LEPROT: variants seen among roughly 807,000 people sequenced by gnomAD.
LEPROT encodes leptin receptor overlapping transcript, also known as leptin receptor gene-related protein.
LEPROT carries 3 observed loss-of-function variants against 15.4 expected under a neutral mutation model. The ratio of observed to expected loss-of-function variants is 0.19; its 90% CI spans 0.09 to 0.50. The LOEUF (loss-of-function observed/expected upper bound fraction) is 0.50. Among genes scored for constraint, LEPROT ranks in the 20% least tolerant of loss-of-function variants. The pLI is 0.97. For missense variants in LEPROT, 137 were observed against 162.2 expected (o/e 0.84, Z 0.84); for synonymous variants, 59 against 57.5 (o/e 1.03, Z -0.12).
intron 2 of LEPROT, chr1:65,427,830 C>G (rs572909355): frequency 2.5e-6 from 1 of 398,570 alleles, no homozygotes; most frequent in Non-Finnish European, 5.0e-6. Flanking sequence ...TTGTAGAGAC[C>G]GAGTCTCTCT....
intron 2 of LEPROT, chr1:65,427,840 T>C: frequency 2.7e-6 from 1 of 365,956 alleles, no homozygotes; most frequent in Non-Finnish European, 5.5e-6. Flanking sequence ...CGAGTCTCTC[T>C]GTGTTGCTCA....
Position 65,420,747 on chromosome 1 carries a change from C to T in LEPROT, c.16+7C>T. 6.3e-7 allele frequency: 1 copy of T among 1,580,442 alleles called. No homozygotes were observed. The highest frequency in any genetic ancestry group is 1.2e-5 in the South Asian group (1 of 86,292). On this transcript the variant is annotated splice_region_variant and intron_variant, in intron 1 of 3. Transcript: ENST00000371065. ...GACATGGCGGGCGTTAAAGGTACAT[C>T]GCGGTCCCCGGCTCGCTTGTCGTGT... is the stretch of plus-strand genomic sequence containing the variant.
chr1:65,435,772 C>T lies in LEPROT; in HGVS notation c.*3853C>T. On this transcript the variant is annotated 3_prime_UTR_variant, in exon 4 of 4. Coordinates refer to ENST00000371065, the MANE Select transcript of LEPROT (RefSeq NM_017526.5). Reference sequence around the variant, plus strand: ...TCCAAGCATAGTAATTAGTTCACAACTGAGAAATATTATGTCTGTAGTAGA... The same window carrying T: ...TCCAAGCATAGTAATTAGTTCACAATTGAGAAATATTATGTCTGTAGTAGA... The T allele has an allele frequency of 1.0e-6, 1 of 980,904 alleles. No homozygotes were observed. Among genetic ancestry groups the T allele is most frequent in the Non-Finnish European group, 1.2e-6 (1 of 825,836 alleles). 60.8% of individuals were successfully genotyped at this position (980,904 alleles called of 1,614,324 possible). A position where few individuals can be genotyped will look rare whatever the true frequency, so the allele number is the denominator to read the frequency against.
rs1332084963 is a variant in LEPROT at position 65,430,201 on chromosome 1, A to G, written c.279+153A>G. On this transcript the variant is annotated intron_variant, in intron 3 of 3. Transcript: ENST00000371065. ...TGTTCCTCTACTTTAGACCTGCCTA[A>G]CAGTAGTTCGGCCATGCCTTCAGAG... 13 of 574,568 alleles carry G rather than the reference A, an allele frequency of 2.3e-5. 1 individual carries two copies. In the Admixed American group the frequency reaches 4.0e-4, roughly 18 times the overall value. 35.6% of individuals were successfully genotyped at this position (574,568 alleles called of 1,614,324 possible).
intron 1 of LEPROT, among the ~76,000 whole-genome samples, chr1:65,422,091 A>G (rs879466078): frequency 1.3e-5 from 2 of 152,194 alleles, no homozygotes; most frequent in Non-Finnish European, 2.9e-5. Flanking sequence ...TTTGTCCTCC[A>G]AAAAGATGTG....
chr1:65,431,969 T>G lies in LEPROT; in HGVS notation c.*50T>G. On this transcript the variant is annotated 3_prime_UTR_variant, in exon 4 of 4. Coordinates refer to ENST00000371065, the MANE Select transcript of LEPROT (RefSeq NM_017526.5). The stretch of plus-strand genomic sequence containing the variant: ...TGAATTTCTTAGAACTCATACTATC[T>G]GTATACATGTGCACATGCGGCATTT... The G allele has an allele frequency of 6.4e-7, 1 of 1,568,250 alleles. No individual in the cohort carries two copies. The highest frequency in any genetic ancestry group is 8.6e-7 in the Non-Finnish European group (1 of 1,160,786).
Position 65,432,078 on chromosome 1 carries a change from A to G in LEPROT, c.*159A>G, listed in dbSNP as rs377137502. 6.0e-6 allele frequency: 8 copies of G among 1,341,300 alleles called. No individual in the cohort carries two copies. The African/African-American group carries it at 1.1e-4, about 18-fold the overall frequency. The allele number at this position is 1,341,300 out of a possible 1,614,324, so 83.1% of individuals were successfully genotyped here. A position where few individuals can be genotyped will look rare whatever the true frequency, so the allele number is the denominator to read the frequency against. ...AGAAAGACTTCATAAGTAGGAGATG[A>G]GTTTTATTCTCAGCAAATAGACCTG... On this transcript the variant is annotated 3_prime_UTR_variant, in exon 4 of 4. Transcript: ENST00000371065.
chr1:65,421,505 C>A (rs1646250547), intron 1 of LEPROT: 2 of 1,534,686 alleles, frequency 1.3e-6, no homozygotes, highest in Non-Finnish European at 1.7e-6. Context: ...AGTAGCATGA[C>A]TTGTTTTTAT....
At chr1:65,422,486 T>C (rs1646270364) in intron 1 of LEPROT, among the ~76,000 whole-genome samples, 1 of 152,256 alleles carries the variant, frequency 6.6e-6, no homozygotes, top group Non-Finnish European at 1.5e-5. Flanking sequence ...TCTGTTGTTC[T>C]CAGCCATCCA....
intron 1 of LEPROT, chr1:65,421,475 AT>A (rs1340303523): frequency 6.5e-7 from 1 of 1,536,108 alleles, no homozygotes; most frequent in Non-Finnish European, 8.7e-7. Flanking sequence ...AAAACATTCC[AT>A]TTCTAATCTG....
At chr1:65,421,128 G>A (rs930933232) in intron 1 of LEPROT, among the ~76,000 whole-genome samples, 2 of 152,182 alleles carry the variant, frequency 1.3e-5, no homozygotes, top group African/African-American at 4.8e-5. Flanking sequence ...TTGCCACAAA[G>A]GACCCTTTGT....
At chr1:65,424,904 G>A (rs1646329073) in intron 1 of LEPROT, among the ~76,000 whole-genome samples, 1 of 152,180 alleles carries the variant, frequency 6.6e-6, no homozygotes, top group Admixed American at 6.5e-5. Context: ...GCATCTCACG[G>A]TGAGAGGGAT....
Position 65,435,876 on chromosome 1 carries a change from CTGAG to C in LEPROT, c.*3959_*3962del, listed in dbSNP as rs1646556203. On this transcript the variant is annotated 3_prime_UTR_variant, in exon 4 of 4. Coordinates refer to ENST00000371065, the MANE Select transcript of LEPROT (RefSeq NM_017526.5). ...GAAGTACCTTATTGCAAAAATCCCA[CTGAG>C]TAATAGCTCATAAATTATAATCTTT... 1 of 983,750 alleles carries C rather than the reference CTGAG, an allele frequency of 1.0e-6. No individual in the cohort carries two copies. Among genetic ancestry groups the C allele is most frequent in the Non-Finnish European group, 1.2e-6 (1 of 828,440 alleles). 60.9% of individuals were successfully genotyped at this position (983,750 alleles called of 1,614,324 possible).
At position 65,433,086 on chromosome 1, in the gene LEPROT, TAGC is replaced by T. The variant is rs1646510619; in HGVS notation, c.*1170_*1172del. ...GCTGGGCTCGAGCCAGCCCCTGCGT[TAGC>T]AGGAGGGGGAGAACAGATAGGTAAC... is the stretch of plus-strand genomic sequence containing the variant. On this transcript the variant is annotated 3_prime_UTR_variant, in exon 4 of 4. Transcript: ENST00000371065. 1 of 985,356 alleles carries T rather than the reference TAGC, an allele frequency of 1.0e-6. No individual in the cohort carries two copies. The highest frequency in any genetic ancestry group is 1.2e-6 in the Non-Finnish European group (1 of 829,878). The allele number at this position is 985,356 out of a possible 1,614,324, so 61.0% of individuals were successfully genotyped here.
intron 1 of LEPROT, 91 bp downstream of exon 1, chr1:65,420,831 G>T: frequency 1.4e-6 from 2 of 1,469,892 alleles, no homozygotes; most frequent in Middle Eastern, 3.5e-4. Flanking sequence ...GCGCGCCGTT[G>T]GGGAACGGCC....
chr1:65,435,877 T>C lies in LEPROT; in HGVS notation c.*3958T>C, dbSNP rs991976512. The C allele has an allele frequency of 5.1e-6, 5 of 983,958 alleles. No homozygotes were observed. The highest frequency in any genetic ancestry group is 6.0e-6 in the Non-Finnish European group (5 of 828,706). 61.0% of individuals were successfully genotyped at this position (983,958 alleles called of 1,614,324 possible). On this transcript the variant is annotated 3_prime_UTR_variant, in exon 4 of 4. Coordinates refer to ENST00000371065, the MANE Select transcript of LEPROT (RefSeq NM_017526.5). ...AAGTACCTTATTGCAAAAATCCCAC[T>C]GAGTAATAGCTCATAAATTATAATC...
At chr1:65,430,241 C>A in intron 3 of LEPROT, 193 bp downstream of exon 3, 1 of 422,052 alleles carries the variant, frequency 2.4e-6, no homozygotes, top group Non-Finnish European at 4.2e-6. Context: ...TTCTTTATTT[C>A]TCTTACAACT....
At chr1:65,426,010 A>G (rs1008591932) in intron 2 of LEPROT, among the ~76,000 whole-genome samples, 1 of 152,338 alleles carries the variant, frequency 6.6e-6, no homozygotes, top group East Asian at 1.9e-4. Context: ...TTTGTGTTTC[A>G]GTGGGGGAGA....
intron 1 of LEPROT, 114 bp from the exon 2 acceptor site, chr1:65,425,189 C>A: frequency 2.5e-6 from 2 of 799,160 alleles, no homozygotes; most frequent in Non-Finnish European, 4.2e-6. Flanking sequence ...AAAATTTACT[C>A]ATCCGCCAAA....
Sources: gnomAD v4.1 joint callset for allele counts (sites outside exome capture counted in the v4.1 genomes callset) on GRCh38, gnomAD v4.1.1 for gene constraint, MANE v1.5 for transcripts, NCBI Gene and HGNC (gene_info 2026-07-23, HGNC 2026-07-21) for gene names.